The following TAF5L variants were observed in gnomAD, a reference collection of about 807,000 sequenced individuals.
The protein encoded by TAF5L is TATA-box binding protein associated factor 5 like.
A neutral mutation model predicts 51.3 loss-of-function variants in TAF5L; 7 were observed. The ratio of observed to expected loss-of-function variants is 0.14; its 90% CI spans 0.08 to 0.26. The LOEUF is 0.26. Ranked by LOEUF, TAF5L falls within the 10% of genes least tolerant of loss-of-function variation. The probability of loss-of-function intolerance (pLI) is 1.00; values close to 1 mark genes in which losing one functional copy is unlikely to be tolerated. For missense variants in TAF5L, 575 were observed against 758.9 expected (o/e 0.76, Z 2.85); for synonymous variants, 291 against 308.1 (o/e 0.94, Z 0.58).
At chr1:229,606,795 C>T (rs1664611233) in intron 3 of TAF5L, 2 of 985,410 alleles carry the variant, frequency 2.0e-6, no homozygotes, top group South Asian at 4.7e-5. Flanking sequence ...ACTCCAAAGG[C>T]TGTGTTCTTC....
chr1:229,607,029 T>C, intron 3 of TAF5L: 1 of 985,464 alleles, frequency 1.0e-6, no homozygotes, highest in African/African-American at 1.7e-5. Flanking sequence ...AGTCTTTATC[T>C]TTCTCCTAAA....
Position 229,602,299 on chromosome 1 carries a change from A to T in TAF5L, c.868T>A (p.Ser290Thr). 2 of 1,614,108 alleles carry T rather than the reference A, an allele frequency of 1.2e-6. No individual in the cohort carries two copies. The highest frequency in any genetic ancestry group is 1.7e-6 in the Non-Finnish European group (2 of 1,180,012). ...CGTAAACTCCAAAGTTTTATACAGGAGTTGTCAAACCCAGCAGCAAGCAGC... is the reference window on the plus strand; with the variant it reads ...CGTAAACTCCAAAGTTTTATACAGGTGTTGTCAAACCCAGCAGCAAGCAGC... The change falls in exon 4 of 5, where the codon TCC becomes ACC. Residue 290 changes from serine (S) to threonine (T), a missense_variant. Ser to Thr is a moderately conservative substitution (Grantham distance 58). Coordinates refer to ENST00000258281, the Ensembl canonical transcript of TAF5L. The surrounding 1 kb of genome is among the most constrained non-coding windows in gnomAD (Gnocchi z 4.6).
chr1:229,619,865 C>G (rs78862166), intron 1 of TAF5L, among the ~76,000 whole-genome samples: 2 of 152,136 alleles, frequency 1.3e-5, no homozygotes, highest in Non-Finnish European at 2.9e-5. Flanking sequence ...TCTGCCACTG[C>G]TTCTTCACAT....
intron 4 of TAF5L, chr1:229,599,784 T>C: frequency 1.0e-6 from 1 of 975,894 alleles, no homozygotes; most frequent in Non-Finnish European, 1.2e-6. Context: ...TCCATTCTCT[T>C]GGATATATGT....
chr1:229,613,586 T>C (rs1426055455), intron 2 of TAF5L, among the ~76,000 whole-genome samples: 2 of 152,150 alleles, frequency 1.3e-5, no homozygotes, highest in African/African-American at 2.4e-5. Flanking sequence ...AGGTGATATG[T>C]AGGCTGTATT....
chr1:229,616,776 T>C (rs1026519030), intron 1 of TAF5L, among the ~76,000 whole-genome samples: 1 of 152,222 alleles, frequency 6.6e-6, no homozygotes, highest in African/African-American at 2.4e-5. Context: ...CTCACAAGTA[T>C]ATATACATGT....
At chr1:229,619,721 A>G (rs1571854417) in intron 1 of TAF5L, among the ~76,000 whole-genome samples, 1 of 151,998 alleles carries the variant, frequency 6.6e-6, no homozygotes, top group East Asian at 1.9e-4. Flanking sequence ...TTTTTGATCT[A>G]ACCAGTCACT....
chr1:229,601,866 A>T, intron 4 of TAF5L: 6 of 1,075,476 alleles, frequency 5.6e-6, no homozygotes, highest in Non-Finnish European at 6.8e-6. Flanking sequence ...AAATGTGCAC[A>T]CACATAAGTG....
rs1665408296 is a variant in TAF5L, at chr1:229,625,377, TCCC to T, written c.-4+505_-4+507del. Among the ~76,000 whole-genome samples, 1 of 151,412 alleles carries T rather than the reference TCCC, an allele frequency of 6.6e-6. No individual in the cohort carries two copies. Among genetic ancestry groups the T allele is most frequent in the Admixed American group, 6.6e-5 (1 of 15,224 alleles). ...CTGCAGCAGCTAGTCTAACTCTGGC[TCCC>T]CCGTGTCACACGCGGAGATCGACTC... On this transcript the variant is annotated intron_variant, in intron 1 of 4. Transcript: ENST00000258281. The surrounding 1 kb of genome is among the most constrained non-coding windows in gnomAD (Gnocchi z 4.0).
chr1:229,623,768 G>A (rs1321576753), intron 1 of TAF5L, among the ~76,000 whole-genome samples: 1 of 152,202 alleles, frequency 6.6e-6, no homozygotes, highest in African/African-American at 2.4e-5. Context: ...GGTAGGTAAC[G>A]TTCTTCAGAT....
At chr1:229,614,469 C>T (rs774830110) in exon 2 of TAF5L, 45 of 1,614,048 alleles carry the variant, frequency 2.8e-5, no homozygotes, top group Non-Finnish European at 3.6e-5. Flanking sequence ...CTGCTCGGTA[C>T]GCACTCGTTT....
intron 4 of TAF5L, chr1:229,600,263 G>GA: frequency 1.0e-6 from 1 of 985,232 alleles, no homozygotes; most frequent in Non-Finnish European, 1.2e-6. Context: ...GGGCATGCAG[G>GA]AAGCCCCTCA....
chr1:229,618,044 G>A (rs544670546), intron 1 of TAF5L, among the ~76,000 whole-genome samples: 57 of 152,178 alleles, frequency 3.7e-4, no homozygotes, highest in African/African-American at 1.3e-3. Context: ...TATTTCAAGT[G>A]ACATGGATAA....
chr1:229,602,027 T>G lies in TAF5L; in HGVS notation c.972+168A>C. 3.4e-6 allele frequency: 5 copies of G among 1,453,584 alleles called. No homozygotes were observed. The highest frequency in any genetic ancestry group is 4.5e-6 in the Non-Finnish European group (5 of 1,105,346). The allele number at this position is 1,453,584 out of a possible 1,614,324, so 90.0% of individuals were successfully genotyped here. A position where few individuals can be genotyped will look rare whatever the true frequency, so the allele number is the denominator to read the frequency against. On this transcript the variant is annotated intron_variant, in intron 4 of 4. Transcript: ENST00000258281. The surrounding 1 kb of genome is among the most constrained non-coding windows in gnomAD (Gnocchi z 4.6). ...TAAAAATTGTTTTTGCATCTTAGGT[T>G]AGGCATGTGCAGGAATTCAATGGCT... is the stretch of plus-strand genomic sequence containing the variant.
exon 5 of TAF5L, chr1:229,593,459 TAA>T (rs1433083496): frequency 6.6e-6 from 1 of 152,168 alleles, no homozygotes; most frequent in African/African-American, 2.4e-5. Flanking sequence ...AGAGAATTAT[TAA>T]GAGAAGTGCA....
At chr1:229,611,109 T>C (rs1192971898) in intron 2 of TAF5L, among the ~76,000 whole-genome samples, 1 of 152,104 alleles carries the variant, frequency 6.6e-6, no homozygotes, top group Non-Finnish European at 1.5e-5. Flanking sequence ...TCTTTCTTCT[T>C]GGGCAAGTTG....
At chr1:229,616,251 T>C (rs1449271859) in intron 1 of TAF5L, among the ~76,000 whole-genome samples, 1 of 152,184 alleles carries the variant, frequency 6.6e-6, no homozygotes, top group Non-Finnish European at 1.5e-5. Flanking sequence ...TGACCTCAAG[T>C]GACTTGCCTG....
At chr1:229,598,737 C>T (rs1455114482) in intron 4 of TAF5L, among the ~76,000 whole-genome samples, 4 of 147,968 alleles carry the variant, frequency 2.7e-5, no homozygotes, top group East Asian at 2.0e-4. Flanking sequence ...CTCACTCTAT[C>T]GCCCAGGCTG....
chr1:229,599,007 T>C (rs1405753210), intron 4 of TAF5L, among the ~76,000 whole-genome samples: 1 of 152,198 alleles, frequency 6.6e-6, no homozygotes, highest in Non-Finnish European at 1.5e-5. Flanking sequence ...AGATATCATT[T>C]CTATCTCCAT....
Sources: gnomAD v4.1 joint callset for allele counts (sites outside exome capture counted in the v4.1 genomes callset) on GRCh38, gnomAD v4.1.1 for gene constraint, Gnocchi (gnomAD v3.1) non-coding constraint, MANE v1.5 for transcripts, NCBI Gene and HGNC (gene_info 2026-07-23, HGNC 2026-07-21) for gene names.